The following DACT2 variants were observed in gnomAD, a reference collection of about 807,000 sequenced individuals.
DACT2 encodes dishevelled binding antagonist of beta catenin 2, also known as dapper homolog 2.
A neutral mutation model predicts 22.2 loss-of-function variants in DACT2; 20 were observed. The ratio of observed to expected loss-of-function variants is 0.90; its 90% CI spans 0.63 to 1.31. DACT2 has a LOEUF of 1.31. Among genes scored for constraint, DACT2 ranks in the 50% most tolerant of loss-of-function variants. The probability of loss-of-function intolerance (pLI) is 0.00; values close to 1 mark genes in which losing one functional copy is unlikely to be tolerated. For synonymous variants in DACT2, 463 were observed against 479.8 expected, an observed-to-expected ratio of 0.96 and a Z score of 0.46; for missense variants, 1,048 against 1,061.4, an observed-to-expected ratio of 0.99 and a Z score of 0.18.
intron 3 of DACT2, among the ~76,000 whole-genome samples, chr6:168,309,445 T>TCC (rs1779337462): frequency 2.0e-5 from 3 of 152,008 alleles, no homozygotes; most frequent in African/African-American, 7.2e-5. Flanking sequence ...CGGGGCCGTT[T>TCC]GCGTGTAGAC....
chr6:168,318,901 G>A (rs747824477), intron 1 of DACT2, among the ~76,000 whole-genome samples: 1 of 152,142 alleles, frequency 6.6e-6, no homozygotes, highest in Non-Finnish European at 1.5e-5. Flanking sequence ...GCACATTCCT[G>A]AGGACAAGTC....
At position 168,307,108 on chromosome 6, in the gene DACT2, G is replaced by A. The variant is rs556504486; in HGVS notation, c.*324C>T. On this transcript the variant is annotated 3_prime_UTR_variant, in exon 4 of 4. Transcript: ENST00000366795. This position sits in a 1 kb window ranked among gnomAD's most constrained non-coding sequence, Gnocchi z 5.3. Reference sequence around the variant, plus strand: ...CCCAGCCAGAGGGGAGTGAGGGCAGGGGAAGCCATGGGAGGATGACAACAT... The same window carrying A: ...CCCAGCCAGAGGGGAGTGAGGGCAGAGGAAGCCATGGGAGGATGACAACAT... 4.5e-6 allele frequency: 5 copies of A among 1,121,598 alleles called. No individual in the cohort carries two copies. The highest frequency in any genetic ancestry group is 4.4e-6 in the Non-Finnish European group (4 of 915,878). The allele number at this position is 1,121,598 out of a possible 1,614,324, so 69.5% of individuals were successfully genotyped here. A position where few individuals can be genotyped will look rare whatever the true frequency, so the allele number is the denominator to read the frequency against.
At chr6:168,296,461 TGGTCATGGA>T (rs1562490083) in intron 3 of DACT2, among the ~76,000 whole-genome samples, 20 of 134,652 alleles carry the variant, frequency 1.5e-4, no homozygotes, top group African/African-American at 4.7e-4. Context: ...GGTGAGGAGA[TGGTCATGGA>T]GGTCATGGAG....
chr6:168,299,703 G>C (rs1779071074), intron 3 of DACT2: 1 of 152,248 alleles, frequency 6.6e-6, no homozygotes, highest in African/African-American at 2.4e-5. Context: ...AGCGAACCGA[G>C]TCCCCACGTG....
In DACT2 at chr6:168,306,929, TTTTA is replaced by T. The variant is rs1161866573; in HGVS notation, c.*499_*502del. On this transcript the variant is annotated 3_prime_UTR_variant, in exon 4 of 4. Coordinates refer to ENST00000366795, the MANE Select transcript of DACT2 (RefSeq NM_214462.5). The stretch of plus-strand genomic sequence containing the variant: ...TTAAAAGAGGGAAAAAAAATGTTCC[TTTTA>T]TTTGAGATCATGGCATAATTTGGGT... 2.5e-5 allele frequency: 25 copies of T among 990,434 alleles called. No homozygotes were observed. The highest frequency in any genetic ancestry group is 2.9e-5 in the Non-Finnish European group (24 of 832,902). The allele number at this position is 990,434 out of a possible 1,614,324, so 61.4% of individuals were successfully genotyped here.
intron 3 of DACT2, among the ~76,000 whole-genome samples, chr6:168,300,762 G>A (rs1397868076): frequency 6.6e-6 from 1 of 152,130 alleles, no homozygotes; most frequent in Admixed American, 6.5e-5. Flanking sequence ...CAAGGTGGGT[G>A]GATTACGAGG....
In DACT2 at chr6:168,294,577, G is replaced by GTATATATATATATATATATATA. The variant is rs1554269708; in HGVS notation, c.730+34_730+55dup. On this transcript the variant is annotated intron_variant, in intron 4 of 5. Transcript: ENST00000366796. ...TGTGTGTGTATGTGTGTGTGTGTGT[G>GTATATATATATATATATATATA]TATATATATATATATATATATATAT... is the stretch of plus-strand genomic sequence containing the variant. 387 of 124,298 alleles carry GTATATATATATATATATATATA rather than the reference G, an allele frequency of 3.1e-3. 17 individuals are homozygous for GTATATATATATATATATATATA. Among genetic ancestry groups the GTATATATATATATATATATATA allele is most frequent in the African/African-American group, 0.02 (341 of 17,432 alleles). The allele number at this position is 124,298 out of a possible 1,614,324, so 7.7% of individuals were successfully genotyped here. A position where few individuals can be genotyped will look rare whatever the true frequency, so the allele number is the denominator to read the frequency against.
intron 1 of DACT2, among the ~76,000 whole-genome samples, chr6:168,318,032 G>A (rs71573455): frequency 0.078 from 8,129 of 104,254 alleles, 1,020 homozygotes; most frequent in Admixed American, 0.2. Context: ...CTGAGGTCAC[G>A]CAGAAGCTGC....
intron 1 of DACT2, among the ~76,000 whole-genome samples, chr6:168,315,349 T>C (rs906289673): frequency 2.6e-5 from 4 of 152,128 alleles, no homozygotes; most frequent in East Asian, 1.9e-4. Context: ...TTGGGGAACC[T>C]AACCCTTATG....
chr6:168,312,019 G>T (rs531860094), intron 1 of DACT2, among the ~76,000 whole-genome samples: 1 of 152,104 alleles, frequency 6.6e-6, no homozygotes, highest in Non-Finnish European at 1.5e-5. Flanking sequence ...AAAGTCCCTT[G>T]GAAAGAAAGA....
chr6:168,309,539 C>T (rs1017634226), intron 3 of DACT2, among the ~76,000 whole-genome samples: 4 of 151,398 alleles, frequency 2.6e-5, no homozygotes, highest in African/African-American at 9.7e-5. Flanking sequence ...AGTGCATGGG[C>T]AGGGAGAATC....
intron 3 of DACT2, among the ~76,000 whole-genome samples, chr6:168,295,920 G>A (rs968921935): frequency 2.6e-5 from 4 of 152,296 alleles, no homozygotes; most frequent in African/African-American, 4.8e-5. Context: ...GAGACCTCAC[G>A]TACGTGATGC....
chr6:168,314,007 C>T (rs1189664763), intron 1 of DACT2, among the ~76,000 whole-genome samples: 3 of 93,502 alleles, frequency 3.2e-5, no homozygotes, highest in Non-Finnish European at 4.7e-5. Context: ...CTTGTAACCC[C>T]GACCGCGCTT....
In DACT2 at chr6:168,307,269, A is replaced by AG. The variant is rs1779232348; in HGVS notation, c.*162_*163insC. The stretch of plus-strand genomic sequence containing the variant: ...TTTGCTGGGGCGGGGACTCACGGCC[A>AG]TACTCCACAGGGCAGAACCCATCTG... On this transcript the variant is annotated 3_prime_UTR_variant, in exon 4 of 4. Coordinates refer to ENST00000366795, the MANE Select transcript of DACT2 (RefSeq NM_214462.5). The surrounding 1 kb of genome is among the most constrained non-coding windows in gnomAD (Gnocchi z 5.3). The AG allele has an allele frequency of 7.0e-7, 1 of 1,436,576 alleles. No homozygotes were observed. Among genetic ancestry groups the AG allele is most frequent in the Non-Finnish European group, 9.1e-7 (1 of 1,097,340 alleles). 89.0% of individuals were successfully genotyped at this position (1,436,576 alleles called of 1,614,324 possible).
intron 3 of DACT2, chr6:168,294,723 A>C (rs1047881949): frequency 9.3e-6 from 13 of 1,403,714 alleles, no homozygotes; most frequent in Non-Finnish European, 1.2e-5. Flanking sequence ...AACAAAATGC[A>C]AATGTGCGTG....
downstream of DACT2, among the ~76,000 whole-genome samples, chr6:168,306,407 GT>G (rs779953331): frequency 0.062 from 8,924 of 144,228 alleles, 324 homozygotes; most frequent in East Asian, 0.13. Flanking sequence ...CAAAAAAAAA[GT>G]TTTTTTTTTC....
chr6:168,299,046 C>T (rs1004743868), intron 3 of DACT2: 1 of 152,178 alleles, frequency 6.6e-6, no homozygotes, highest in Non-Finnish European at 1.5e-5. Flanking sequence ...CTATAAATCT[C>T]AGAGTTAGTG....
At chr6:168,311,398 C>G (rs1388005103) in intron 1 of DACT2, 114 bp from the exon 2 acceptor site, 2 of 1,278,422 alleles carry the variant, frequency 1.6e-6, no homozygotes, top group South Asian at 1.7e-5. Context: ...AAAGTCCACG[C>G]GAAATACATC....
In DACT2 at chr6:168,319,434, G is replaced by GGGCCGTGGA. The variant is rs1366302392; in HGVS notation, c.191_199dup (p.Leu64_Gly66dup). On this transcript the variant is annotated inframe_insertion, in exon 1 of 4. Coordinates refer to ENST00000366795, the MANE Select transcript of DACT2 (RefSeq NM_214462.5). ...CAGCGCCGCCTCCAGCTGCTGCTCG[G>GGGCCGTGGA]GGCCGTGGAGGCCGTGGGGGCCGCA... 9.6e-5 allele frequency: 116 copies of GGGCCGTGGA among 1,206,004 alleles called. No individual in the cohort carries two copies. Among genetic ancestry groups the GGGCCGTGGA allele is most frequent in the Middle Eastern group, 3.3e-4 (1 of 3,072 alleles). 74.7% of individuals were successfully genotyped at this position (1,206,004 alleles called of 1,614,324 possible). A position where few individuals can be genotyped will look rare whatever the true frequency, so the allele number is the denominator to read the frequency against.
Sources: allele counts gnomAD v4.1 joint callset (sites outside exome capture counted in the v4.1 genomes callset), GRCh38; gene constraint gnomAD v4.1.1; non-coding constraint Gnocchi (gnomAD v3.1); transcripts MANE v1.5; gene names NCBI Gene and HGNC (gene_info 2026-07-23, HGNC 2026-07-21).